TNR: variants seen among roughly 807,000 people sequenced by gnomAD.
TNR encodes the protein tenascin-R.
In TNR, 45 loss-of-function variants were observed where a neutral mutation model predicts 150.4. That is an observed-to-expected ratio of 0.30 (90% CI 0.24 to 0.38). TNR has a LOEUF of 0.38. Ranked by LOEUF, TNR falls within the 10% of genes least tolerant of loss-of-function variation. TNR has a pLI of 1.00. For synonymous variants in TNR, 687 were observed against 678.4 expected (o/e 1.01, Z -0.20); for missense variants, 1,544 against 1,759.1 (o/e 0.88, Z 2.19).
intron 2 of TNR, among the ~76,000 whole-genome samples, chr1:175,412,602 T>A (rs1329076765): frequency 6.6e-6 from 1 of 152,054 alleles, no homozygotes; most frequent in Non-Finnish European, 1.5e-5. Flanking sequence ...TGGCCTTTCA[T>A]GGACTCCCTC....
At chr1:175,731,231 A>G (rs368157300) in intron 1 of TNR, among the ~76,000 whole-genome samples, 6 of 152,184 alleles carry the variant, frequency 3.9e-5, no homozygotes, top group Non-Finnish European at 1.5e-5. Context: ...ACAGGACAAC[A>G]AAAGGAACCA....
intron 3 of TNR, 136 bp from the exon 4 acceptor site, chr1:175,403,752 TG>T: frequency 1.4e-6 from 1 of 722,940 alleles, no homozygotes; most frequent in South Asian, 1.8e-5. Context: ...CAACGTAGTT[TG>T]GTACATATTC....
rs530034708 is a variant in TNR at position 175,644,420 on chromosome 1, G to A, written c.-165+98806C>T. 5.9e-5 allele frequency among the ~76,000 whole-genome samples: 9 copies of A among 152,358 alleles called. No homozygotes were observed. In the East Asian group the frequency reaches 1.7e-3, roughly 29 times the overall value. The stretch of plus-strand genomic sequence containing the variant: ...TATGGCTGTGGGCAGAAAGGCCACA[G>A]ACGTGGTGGTATTGGAAGTTGGATC... On this transcript the variant is annotated intron_variant, in intron 1 of 22. Coordinates refer to ENST00000367674, the MANE Select transcript of TNR (RefSeq NM_003285.3).
At chr1:175,458,364 G>T (rs562982355) in intron 2 of TNR, among the ~76,000 whole-genome samples, 2 of 152,290 alleles carry the variant, frequency 1.3e-5, no homozygotes, top group African/African-American at 2.4e-5. Flanking sequence ...TGTTCAAAGG[G>T]TATGGGATTT....
chr1:175,469,699 A>G (rs75047798), intron 2 of TNR, among the ~76,000 whole-genome samples: 5,391 of 152,052 alleles, frequency 0.035, 225 homozygotes, highest in African/African-American at 0.1. Context: ...AAGGCAGGCT[A>G]AGGTGCTCTG....
In TNR at chr1:175,537,784, C is replaced by T. The variant is rs76398695; in HGVS notation, c.-164-9415G>A. Among the ~76,000 whole-genome samples the T allele has an allele frequency of 5.4e-3, 823 of 152,250 alleles. 3 individuals carry two copies. The highest frequency in any genetic ancestry group is 0.019 in the African/African-American group (788 of 41,546). On this transcript the variant is annotated intron_variant, in intron 1 of 22. Coordinates refer to ENST00000367674, the MANE Select transcript of TNR (RefSeq NM_003285.3). ...CTCCGAGCAGATGGCACAGATAGCA[C>T]CTAAGTCCCTCTCCCTCGTCAGGGG...
chr1:175,686,839 C>T (rs569297226), intron 1 of TNR, among the ~76,000 whole-genome samples: 191 of 152,258 alleles, frequency 1.3e-3, no homozygotes, highest in African/African-American at 3.4e-3. Flanking sequence ...TTTATGGCTG[C>T]GTAGTATTCC....
chr1:175,392,260 G>A (rs1653209450), intron 6 of TNR, among the ~76,000 whole-genome samples: 1 of 152,118 alleles, frequency 6.6e-6, no homozygotes, highest in African/African-American at 2.4e-5. Context: ...GGAGACAAGA[G>A]GGCCTCTTTT....
intron 2 of TNR, among the ~76,000 whole-genome samples, chr1:175,491,873 TCTC>T (rs1228065121): frequency 6.6e-6 from 1 of 151,690 alleles, no homozygotes; most frequent in Non-Finnish European, 1.5e-5. Context: ...ATGGTCTCGA[TCTC>T]CTGACCTCGT....
intron 20 of TNR, among the ~76,000 whole-genome samples, chr1:175,334,609 T>A (rs1650133092): frequency 6.6e-6 from 1 of 151,968 alleles, no homozygotes; most frequent in Admixed American, 6.5e-5. Context: ...CAGTGACACA[T>A]GACTCAACTG....
In TNR at chr1:175,403,132, C is replaced by A; in HGVS notation, c.976+8G>T. Reference sequence around the variant, plus strand: ...TTGCCAAACACCCCAGAGAGTTCCCCTGCCTACCTGCTGAGCAGTCAGGGC... The same window carrying A: ...TTGCCAAACACCCCAGAGAGTTCCCATGCCTACCTGCTGAGCAGTCAGGGC... On this transcript the variant is annotated splice_region_variant and intron_variant, in intron 4 of 22. Coordinates refer to ENST00000367674, the MANE Select transcript of TNR (RefSeq NM_003285.3). 1 of 1,602,992 alleles carries A rather than the reference C, an allele frequency of 6.2e-7. No homozygotes were observed. Among genetic ancestry groups the A allele is most frequent in the South Asian group, 1.1e-5 (1 of 90,194 alleles).
intron 9 of TNR, among the ~76,000 whole-genome samples, chr1:175,373,983 C>A (rs767929229): frequency 5.3e-5 from 8 of 152,160 alleles, no homozygotes; most frequent in Non-Finnish European, 1.0e-4. Context: ...CCAAAGTGAC[C>A]ACTTGGGGTC....
chr1:175,417,393 C>A (rs1308587925), intron 2 of TNR, among the ~76,000 whole-genome samples: 1 of 152,020 alleles, frequency 6.6e-6, no homozygotes, highest in Non-Finnish European at 1.5e-5. Context: ...GCCCCCAGGC[C>A]AAATGAAAGG....
intron 1 of TNR, among the ~76,000 whole-genome samples, chr1:175,633,688 T>C (rs573757726): frequency 2.0e-4 from 30 of 152,144 alleles, no homozygotes; most frequent in African/African-American, 4.8e-5. Flanking sequence ...ATATTATAAA[T>C]AGAACTTTCG....
intron 1 of TNR, among the ~76,000 whole-genome samples, chr1:175,706,947 T>C (rs758238471): frequency 2.6e-5 from 4 of 152,162 alleles, no homozygotes; most frequent in Non-Finnish European, 4.4e-5. Context: ...CTTACCCCCT[T>C]GCACAGGTCA....
chr1:175,334,572 C>T (rs917724931), intron 20 of TNR, among the ~76,000 whole-genome samples: 3 of 152,210 alleles, frequency 2.0e-5, no homozygotes, highest in African/African-American at 7.2e-5. Context: ...CTTTTGCATT[C>T]AGGCAACGAA....
Position 175,567,478 on chromosome 1 carries a change from G to A in TNR, c.-164-39109C>T, listed in dbSNP as rs77011924. Among the ~76,000 whole-genome samples, 261 of 152,310 alleles carry A rather than the reference G, an allele frequency of 1.7e-3. 4 individuals carry two copies. In the East Asian group the frequency reaches 0.042, roughly 24 times the overall value. The stretch of plus-strand genomic sequence containing the variant: ...CTTGTGCCATCCCCCAAGCAGTCAG[G>A]TGATGTGCTATTTAGAAAACACCTC... On this transcript the variant is annotated intron_variant, in intron 1 of 22. Transcript: ENST00000367674.
intron 2 of TNR, among the ~76,000 whole-genome samples, chr1:175,504,142 G>GA (rs891329078): frequency 6.6e-6 from 1 of 152,222 alleles, no homozygotes; most frequent in African/African-American, 2.4e-5. Flanking sequence ...TTTCTAGAGT[G>GA]AAAAATCTCC....
chr1:175,482,992 G>A (rs12062171), intron 2 of TNR, among the ~76,000 whole-genome samples: 36,291 of 152,082 alleles, frequency 0.24, 4,545 homozygotes, highest in African/African-American at 0.31. Context: ...ATGGGAAGAG[G>A]GGTTGAGCAA....
Sources: allele counts gnomAD v4.1 joint callset (sites outside exome capture counted in the v4.1 genomes callset), GRCh38; gene constraint gnomAD v4.1.1; transcripts MANE v1.5; gene names NCBI Gene and HGNC (gene_info 2026-07-23, HGNC 2026-07-21).